Variants in MEGF6 observed in about 807,000 individuals in gnomAD.
MEGF6 encodes multiple EGF like domains 6.
In MEGF6, 184 loss-of-function variants were observed where a neutral mutation model predicts 207.1. The observed-to-expected ratio is 0.89, with a 90% CI of 0.79 to 1.00. The LOEUF is 1.00. Among genes scored for constraint, MEGF6 ranks in the 50% least tolerant of loss-of-function variants. The pLI, the probability that MEGF6 is intolerant of heterozygous loss-of-function variation, is 0.00. For synonymous variants in MEGF6, 1,038 were observed against 910.0 expected, an observed-to-expected ratio of 1.14 and a Z score of -2.53; for missense variants, 2,282 against 2,202.9, an observed-to-expected ratio of 1.04 and a Z score of -0.72.
intron 17 of MEGF6, among the ~76,000 whole-genome samples, chr1:3,502,726 C>A (rs976027257): frequency 1.6e-4 from 25 of 152,152 alleles, no homozygotes; most frequent in African/African-American, 6.0e-4. Context: ...CTCCCCATGG[C>A]CTGGCAGAGC....
At chr1:3,604,693 T>G (rs1644216344) in intron 1 of MEGF6, among the ~76,000 whole-genome samples, 1 of 152,146 alleles carries the variant, frequency 6.6e-6, no homozygotes, top group African/African-American at 2.4e-5. Flanking sequence ...AGGGAGGAAG[T>G]GACAGTGACC....
intron 4 of MEGF6, among the ~76,000 whole-genome samples, chr1:3,563,191 G>A (rs1490687806): frequency 6.6e-6 from 1 of 152,164 alleles, no homozygotes; most frequent in Non-Finnish European, 1.5e-5. Context: ...CACCTTGTAG[G>A]TAGCCTGTCC....
intron 2 of MEGF6, among the ~76,000 whole-genome samples, chr1:3,598,698 G>A (rs1198155716): frequency 3.4e-5 from 5 of 149,054 alleles, no homozygotes; most frequent in African/African-American, 1.2e-4. Context: ...GCAGGGCGGG[G>A]GTCGTCATGG....
At chr1:3,544,894 A>C (rs1642652338) in intron 4 of MEGF6, among the ~76,000 whole-genome samples, 1 of 152,164 alleles carries the variant, frequency 6.6e-6, no homozygotes, top group South Asian at 2.1e-4. Flanking sequence ...GGCAGGTGGC[A>C]CTCAGGGCTG....
In MEGF6 at chr1:3,498,816, G is replaced by A. The variant is rs1457849748; in HGVS notation, c.3105C>T (p.Ala1035=). ...MGPSCLQACP[A]GLYGDNCRHS... Reference sequence around the variant, plus strand: ...GCCGACAGTTGTCGCCGTACAGGCCGGCAGGGCAGGCTGGGGCCAGGGAAG... The same window carrying A: ...GCCGACAGTTGTCGCCGTACAGGCCAGCAGGGCAGGCTGGGGCCAGGGAAG... The change falls in exon 25 of 37, where the codon GCC becomes GCT. Residue 1035 remains alanine (A), a synonymous_variant. Transcript: ENST00000356575. The A allele has an allele frequency of 1.3e-5, 20 of 1,552,586 alleles. No homozygotes were observed. The highest frequency in any genetic ancestry group is 1.7e-4 in the Middle Eastern group (1 of 5,956).
intron 1 of MEGF6, among the ~76,000 whole-genome samples, chr1:3,605,558 TCATACACTCA>T (rs1338439329): frequency 2.5e-5 from 1 of 39,656 alleles, no homozygotes; most frequent in African/African-American, 9.0e-5. Flanking sequence ...TCTCATACAC[TCATACACTCA>T]CATACACACA....
In MEGF6 at chr1:3,560,348, G is replaced by C. The variant is rs1643161963; in HGVS notation, c.481+19477C>G. ...CCAGGGTTCCTTTCAGGGCCCACTA[G>C]GGGCTGTGCATTCCATGGACTTGGA... On this transcript the variant is annotated intron_variant, in intron 4 of 36. Coordinates refer to ENST00000356575, the MANE Select transcript of MEGF6 (RefSeq NM_001409.4). This position sits in a 1 kb window ranked among gnomAD's most constrained non-coding sequence, Gnocchi z 4.0. Among the ~76,000 whole-genome samples the C allele has an allele frequency of 6.6e-6, 1 of 152,180 alleles. No individual in the cohort carries two copies.
intron 4 of MEGF6, among the ~76,000 whole-genome samples, chr1:3,533,751 G>T (rs1003245603): frequency 1.3e-5 from 2 of 152,144 alleles, no homozygotes; most frequent in Non-Finnish European, 2.9e-5. Flanking sequence ...CGGGAGCCTG[G>T]GCAACAGAAT....
At chr1:3,567,850 G>A (rs2101677100) in intron 4 of MEGF6, among the ~76,000 whole-genome samples, 1 of 152,232 alleles carries the variant, frequency 6.6e-6, no homozygotes, top group African/African-American at 2.4e-5. Flanking sequence ...TAGGACCTCG[G>A]CATAGGAAAC....
chr1:3,514,333 C>T (rs187989902), intron 7 of MEGF6, among the ~76,000 whole-genome samples: 1 of 152,334 alleles, frequency 6.6e-6, no homozygotes, highest in Non-Finnish European at 1.5e-5. Flanking sequence ...AAATGAGCCT[C>T]GGGCTGGGAG....
chr1:3,611,883 G>C (rs908972928), upstream of MEGF6, among the ~76,000 whole-genome samples: 1 of 151,900 alleles, frequency 6.6e-6, no homozygotes, highest in African/African-American at 2.4e-5. Context: ...GGAGGGGCCG[G>C]GCGCCAGGGG....
intron 5 of MEGF6, among the ~76,000 whole-genome samples, chr1:3,518,523 T>A (rs1287344784): frequency 6.6e-6 from 1 of 152,232 alleles, no homozygotes; most frequent in African/African-American, 2.4e-5. Context: ...GGGTGGGGCA[T>A]CAGCGGCCAG....
chr1:3,550,092 C>T (rs1220887062), intron 4 of MEGF6, among the ~76,000 whole-genome samples: 1 of 152,174 alleles, frequency 6.6e-6, no homozygotes, highest in Non-Finnish European at 1.5e-5. Flanking sequence ...CTCCCCATCC[C>T]GGGAATTTTC....
At chr1:3,577,807 G>A (rs1172612248) in intron 4 of MEGF6, among the ~76,000 whole-genome samples, 1 of 152,204 alleles carries the variant, frequency 6.6e-6, no homozygotes, top group East Asian at 1.9e-4. Context: ...GGGGAAGACA[G>A]GCCCCTCCCA....
At chr1:3,542,049 G>A (rs921785710) in intron 4 of MEGF6, among the ~76,000 whole-genome samples, 6 of 152,162 alleles carry the variant, frequency 3.9e-5, no homozygotes, top group Non-Finnish European at 8.8e-5. Context: ...CAGAGAAGGC[G>A]CCTGCTTCCG....
At chr1:3,537,091 G>A (rs574780155) in intron 4 of MEGF6, among the ~76,000 whole-genome samples, 1 of 152,270 alleles carries the variant, frequency 6.6e-6, no homozygotes, top group African/African-American at 2.4e-5. Flanking sequence ...GTGGGAGCCA[G>A]AGAGGCTGTG....
At chr1:3,608,266 A>T (rs1557433261) in intron 1 of MEGF6, among the ~76,000 whole-genome samples, 1 of 152,124 alleles carries the variant, frequency 6.6e-6, no homozygotes, top group Non-Finnish European at 1.5e-5. Flanking sequence ...GTAGACAAGG[A>T]GACAATGAAC....
At chr1:3,557,782 G>T (rs1643079389) in intron 4 of MEGF6, among the ~76,000 whole-genome samples, 1 of 152,240 alleles carries the variant, frequency 6.6e-6, no homozygotes. Context: ...ATCAGGGAAG[G>T]CCTCCCAGAA....
chr1:3,505,713 G>A (rs1010161354), intron 15 of MEGF6, among the ~76,000 whole-genome samples, 157 bp from the exon 16 acceptor site: 6 of 152,188 alleles, frequency 3.9e-5, no homozygotes. Context: ...CCTTCCCTGA[G>A]TGTCTGAACC....
Sources: gnomAD v4.1 joint callset for allele counts (sites outside exome capture counted in the v4.1 genomes callset) on GRCh38, gnomAD v4.1.1 for gene constraint, Gnocchi (gnomAD v3.1) non-coding constraint, MANE v1.5 for transcripts, NCBI Gene and HGNC (gene_info 2026-07-23, HGNC 2026-07-21) for gene names.